The following CHPT1 variants were observed in gnomAD, a reference collection of about 807,000 sequenced individuals.
The protein encoded by CHPT1 is choline phosphotransferase 1.
Under a neutral mutation model 47.6 loss-of-function variants are expected in CHPT1, and 36 were observed. The observed-to-expected ratio is 0.76, with a 90% CI of 0.58 to 1.00. CHPT1 has a LOEUF of 1.00. Among genes scored for constraint, CHPT1 ranks in the 50% least tolerant of loss-of-function variants. CHPT1 has a pLI of 0.00. For missense variants in CHPT1, 458 were observed against 498.1 expected, an observed-to-expected ratio of 0.92 and a Z score of 0.77; for synonymous variants, 194 against 186.3, an observed-to-expected ratio of 1.04 and a Z score of -0.33.
chr12:101,719,371 T>G, intron 4 of CHPT1: 1 of 388,010 alleles, frequency 2.6e-6, no homozygotes, highest in Non-Finnish European at 5.0e-6. Context: ...ATTTAATTAT[T>G]AACCTGTAGT....
intron 1 of CHPT1, among the ~76,000 whole-genome samples, chr12:101,704,637 G>T (rs1247606265): frequency 6.9e-6 from 1 of 143,998 alleles, no homozygotes; most frequent in Admixed American, 7.1e-5. Flanking sequence ...CTGACCTCGG[G>T]TGATCCACCC....
Position 101,698,180 on chromosome 12 carries a change from G to A in CHPT1, c.273+46G>A, listed in dbSNP as rs533540100. The stretch of plus-strand genomic sequence containing the variant: ...GAGCCGGGCCCCAGATGCGCTGCGG[G>A]CGGGTCGCTGGAGGCGCCGGGGGAA... On this transcript the variant is annotated intron_variant, in intron 1 of 8. Transcript: ENST00000229266. The A allele has an allele frequency of 3.2e-4, 438 of 1,382,636 alleles. 2 individuals carry two copies. The African/African-American group carries it at 6.0e-3, about 19-fold the overall frequency. 85.6% of individuals were successfully genotyped at this position (1,382,636 alleles called of 1,614,324 possible).
chr12:101,716,904 A>G, intron 4 of CHPT1, 92 bp downstream of exon 4: 2 of 725,776 alleles, frequency 2.8e-6, no homozygotes, highest in Non-Finnish European at 4.1e-6. Flanking sequence ...AATCCTTGGC[A>G]TTGTATTTAA....
intron 1 of CHPT1, among the ~76,000 whole-genome samples, chr12:101,713,341 A>T (rs184237403): frequency 2.2e-3 from 341 of 152,248 alleles, no homozygotes; most frequent in Non-Finnish European, 3.6e-3. Context: ...ACGGAAAGAT[A>T]CCCTTCCGTA....
At chr12:101,698,246 AG>A in intron 1 of CHPT1, 112 bp downstream of exon 1, 1 of 1,332,010 alleles carries the variant, frequency 7.5e-7, no homozygotes, top group South Asian at 1.9e-5. Flanking sequence ...CGGGCCCCGG[AG>A]GGGCGGACTG....
chr12:101,721,249 CT>C (rs1951846904), intron 5 of CHPT1, among the ~76,000 whole-genome samples: 1 of 151,928 alleles, frequency 6.6e-6, no homozygotes, highest in Admixed American at 6.6e-5. Context: ...GACGGTGCCA[CT>C]GCACTCCAGC....
chr12:101,718,405 C>T (rs749905847), intron 4 of CHPT1, among the ~76,000 whole-genome samples: 1 of 152,078 alleles, frequency 6.6e-6, no homozygotes, highest in Non-Finnish European at 1.5e-5. Context: ...AACCTAAAAC[C>T]ACTCTAAAAA....
intron 1 of CHPT1, among the ~76,000 whole-genome samples, chr12:101,704,862 T>C (rs1167448964): frequency 1.5e-5 from 1 of 68,764 alleles, no homozygotes; most frequent in Non-Finnish European, 2.7e-5. Flanking sequence ...CCCAGCACTT[T>C]TATAAACATT....
rs10605402 is a variant in CHPT1 at position 101,722,707 on chromosome 12, T to TA, written c.781-442dup. ...TGTCTCTACTAAAAACACAAAAAAT[T>TA]AAAAAAAAAAAAAAAAAAAGAAAAT... On this transcript the variant is annotated intron_variant, in intron 5 of 8. Coordinates refer to ENST00000229266, the MANE Select transcript of CHPT1 (RefSeq NM_020244.3). Among the ~76,000 whole-genome samples, 870 of 113,754 alleles carry TA rather than the reference T, an allele frequency of 7.6e-3. 6 individuals are homozygous for TA. The highest frequency in any genetic ancestry group is 0.019 in the South Asian group (67 of 3,586). 74.6% of individuals were successfully genotyped at this position (113,754 alleles called of 152,430 possible). A position where few individuals can be genotyped will look rare whatever the true frequency, so the allele number is the denominator to read the frequency against.
chr12:101,724,398 G>C (rs1044417094), intron 7 of CHPT1, among the ~76,000 whole-genome samples: 2 of 152,010 alleles, frequency 1.3e-5, no homozygotes, highest in African/African-American at 4.8e-5. Flanking sequence ...CCTAAAAATA[G>C]CTATATTTTT....
At chr12:101,722,722 A>G (rs76604501) in intron 5 of CHPT1, among the ~76,000 whole-genome samples, 2 of 151,336 alleles carry the variant, frequency 1.3e-5, no homozygotes, top group African/African-American at 2.4e-5. Context: ...AAAAAAAAAA[A>G]AAAAGAAAAT....
chr12:101,697,988 G>C lies in CHPT1; in HGVS notation c.127G>C (p.Glu43Gln), dbSNP rs371577398. The C allele has an allele frequency of 1.4e-4, 212 of 1,534,590 alleles. No individual in the cohort carries two copies. Among genetic ancestry groups the C allele is most frequent in the Non-Finnish European group, 1.8e-4 (205 of 1,152,716 alleles). Residue 43 changes from glutamate (E) to glutamine (Q), a missense_variant, in exon 1 of 9, where the codon GAG becomes CAG. Physicochemically the swap from Glu to Gln is conservative, Grantham distance 29. Coordinates refer to ENST00000229266, the MANE Select transcript of CHPT1 (RefSeq NM_020244.3). ...RYSAAGVSLL[E>Q]PPLQLYWTWL... ...CAGCGCGGCGGGCGTCTCGCTGCTC[G>C]AGCCGCCGCTGCAGCTCTACTGGAC...
intron 1 of CHPT1, among the ~76,000 whole-genome samples, chr12:101,700,581 A>G (rs73163718): frequency 0.047 from 7,208 of 152,314 alleles, 261 homozygotes; most frequent in Non-Finnish European, 0.075. Flanking sequence ...TCTTAAGTTC[A>G]TAGAACTAGC....
intron 3 of CHPT1, among the ~76,000 whole-genome samples, chr12:101,715,738 T>G (rs901543596): frequency 5.3e-5 from 8 of 152,158 alleles, no homozygotes; most frequent in African/African-American, 1.9e-4. Flanking sequence ...GTTCATAGAC[T>G]ATAAGAATTC....
At chr12:101,708,008 G>T (rs1277218163) in intron 1 of CHPT1, among the ~76,000 whole-genome samples, 2 of 152,186 alleles carry the variant, frequency 1.3e-5, no homozygotes, top group Non-Finnish European at 2.9e-5. Flanking sequence ...TAAATCATGT[G>T]TGAAAATTGA....
intron 2 of CHPT1, 23 bp from the exon 3 acceptor site, chr12:101,714,481 T>G (rs780797486): frequency 6.3e-7 from 1 of 1,580,104 alleles, no homozygotes; most frequent in South Asian, 1.2e-5. Flanking sequence ...TTCTTAATGA[T>G]TCTTAAACTT....
At chr12:101,699,389 T>C (rs1489118839) in intron 1 of CHPT1, among the ~76,000 whole-genome samples, 1 of 90,496 alleles carries the variant, frequency 1.1e-5, no homozygotes, top group East Asian at 3.6e-4. Flanking sequence ...TGTATTTCTT[T>C]TCTTTTTTTT....
chr12:101,720,175 G>A lies in CHPT1; in HGVS notation c.701G>A (p.Gly234Asp). The A allele has an allele frequency of 1.2e-6, 2 of 1,601,682 alleles. No homozygotes were observed. Among genetic ancestry groups the A allele is most frequent in the Non-Finnish European group, 1.7e-6 (2 of 1,171,740 alleles). ...LKILPVLGFL[G>D]GVIFSCSNYF... The stretch of plus-strand genomic sequence containing the variant: ...ATCCTTCCAGTTCTTGGATTTCTAG[G>A]TGGAGTAATATTTTCCTGTTCAAAT... The change falls in exon 5 of 9, where the codon GGT becomes GAT. Residue 234 changes from glycine (G) to aspartate (D), a missense_variant. Coordinates refer to ENST00000229266, the MANE Select transcript of CHPT1 (RefSeq NM_020244.3).
chr12:101,707,152 A>T (rs980507112), intron 1 of CHPT1, among the ~76,000 whole-genome samples: 1 of 152,210 alleles, frequency 6.6e-6, no homozygotes, highest in Admixed American at 6.5e-5. Context: ...ATGAAGTTGT[A>T]GGTGGAGTAA....
Sources: gnomAD v4.1 joint callset for allele counts (sites outside exome capture counted in the v4.1 genomes callset) on GRCh38, gnomAD v4.1.1 for gene constraint, MANE v1.5 for transcripts, NCBI Gene and HGNC (gene_info 2026-07-23, HGNC 2026-07-21) for gene names.